Variants in CTNNA2 observed in about 807,000 individuals in gnomAD.
The protein encoded by CTNNA2 is catenin alpha-2.
A neutral mutation model predicts 101.0 loss-of-function variants in CTNNA2; 42 were observed. That is an observed-to-expected ratio of 0.42 (90% CI 0.32 to 0.54). The LOEUF (loss-of-function observed/expected upper bound fraction) is 0.54, where lower values mean the gene tolerates loss of function less well. Among genes scored for constraint, CTNNA2 ranks in the 20% least tolerant of loss-of-function variants. The pLI, the probability that CTNNA2 is intolerant of heterozygous loss-of-function variation, is 0.14. For missense variants in CTNNA2, 871 were observed against 1,223.1 expected (o/e 0.71, Z 4.29); for synonymous variants, 450 against 456.4 (o/e 0.99, Z 0.18).
intron 1 of CTNNA2, among the ~76,000 whole-genome samples, chr2:79,596,615 A>C (rs1209659443): frequency 1.3e-5 from 2 of 152,216 alleles, no homozygotes; most frequent in African/African-American, 4.8e-5. Flanking sequence ...GAGCATCTGC[A>C]AAAGAAAGGT....
At chr2:79,851,260 C>T (rs1045825709) in intron 3 of CTNNA2, among the ~76,000 whole-genome samples, 5 of 152,328 alleles carry the variant, frequency 3.3e-5, no homozygotes, top group African/African-American at 1.2e-4. Flanking sequence ...TATTTTCCCA[C>T]CTTGCTTTGA....
At chr2:79,493,242 A>G (rs563366751) in intron 4 of CTNNA2, among the ~76,000 whole-genome samples, 2 of 152,172 alleles carry the variant, frequency 1.3e-5, no homozygotes, top group African/African-American at 4.8e-5. Context: ...GGGAGGGGAG[A>G]GAAGGGAAGG....
At chr2:80,406,079 C>T (rs747751876) in intron 8 of CTNNA2, among the ~76,000 whole-genome samples, 9 of 152,160 alleles carry the variant, frequency 5.9e-5, no homozygotes, top group Non-Finnish European at 8.8e-5. Flanking sequence ...ACCTTTGGGC[C>T]ACGCGCGGTG....
intron 3 of CTNNA2, among the ~76,000 whole-genome samples, chr2:79,758,293 C>T (rs7569796): frequency 0.36 from 54,322 of 151,926 alleles, 10,495 homozygotes; most frequent in East Asian, 0.79. Flanking sequence ...TTGTTGAAGA[C>T]GAAGCTGATT....
chr2:79,826,895 GAGAA>G (rs1288166151), intron 3 of CTNNA2, among the ~76,000 whole-genome samples: 1 of 152,198 alleles, frequency 6.6e-6, no homozygotes, highest in Non-Finnish European at 1.5e-5. Context: ...GACTCAGGAA[GAGAA>G]AGAGAGTCAT....
intron 1 of CTNNA2, among the ~76,000 whole-genome samples, chr2:79,640,677 C>A (rs1680389958): frequency 6.6e-6 from 1 of 151,754 alleles, no homozygotes; most frequent in African/African-American, 2.4e-5. Flanking sequence ...GGAAATAGAC[C>A]CACAATTGAA....
intron 4 of CTNNA2, among the ~76,000 whole-genome samples, chr2:79,457,743 A>G (rs1670841210): frequency 6.6e-6 from 1 of 152,192 alleles, no homozygotes; most frequent in Non-Finnish European, 1.5e-5. Context: ...AGAATATTAT[A>G]TTGTTCATTG....
chr2:79,635,919 CGTT>C (rs983653965), intron 1 of CTNNA2, among the ~76,000 whole-genome samples: 1 of 151,640 alleles, frequency 6.6e-6, no homozygotes, highest in African/African-American at 2.4e-5. Flanking sequence ...CCTAGTAACT[CGTT>C]GTATATAGGA....
At chr2:79,534,193 G>A (rs536735617) in intron 1 of CTNNA2, among the ~76,000 whole-genome samples, 4 of 152,128 alleles carry the variant, frequency 2.6e-5, no homozygotes, top group Non-Finnish European at 4.4e-5. Context: ...AAAAGTCATA[G>A]TTCCCAATTG....
intron 3 of CTNNA2, among the ~76,000 whole-genome samples, chr2:79,831,420 C>T (rs1225588835): frequency 1.3e-5 from 2 of 151,990 alleles, no homozygotes; most frequent in Non-Finnish European, 2.9e-5. Context: ...TGATTCAGCC[C>T]CTTAACTATA....
At chr2:79,310,550 A>G (rs1676343873) in intron 2 of CTNNA2, among the ~76,000 whole-genome samples, 1 of 152,208 alleles carries the variant, frequency 6.6e-6, no homozygotes, top group Non-Finnish European at 1.5e-5. Context: ...TTGCCCATGC[A>G]CTTATTGGGT....
chr2:79,493,452 C>T lies in CTNNA2; in HGVS notation c.-134-11602C>T, dbSNP rs527538471. ...CCAATATGGTGAAACCCCATCTCTA[C>T]TAAAAATACAAAAATTAGCCAGGTG... On this transcript the variant is annotated intron_variant, in intron 4 of 21. Transcript: ENST00000466387. Among the ~76,000 whole-genome samples, 5 of 152,202 alleles carry T rather than the reference C, an allele frequency of 3.3e-5. No individual in the cohort carries two copies. In the South Asian group the frequency reaches 1.0e-3, roughly 32 times the overall value.
chr2:80,220,835 C>T (rs1039885365), intron 7 of CTNNA2, among the ~76,000 whole-genome samples: 1 of 152,134 alleles, frequency 6.6e-6, no homozygotes, highest in Non-Finnish European at 1.5e-5. Flanking sequence ...CCTTAAGGGT[C>T]TGTTAATAAC....
chr2:80,635,706 C>T (rs1672801320), intron 18 of CTNNA2, among the ~76,000 whole-genome samples: 1 of 152,030 alleles, frequency 6.6e-6, no homozygotes, highest in South Asian at 2.1e-4. Context: ...GTTAGAAGGC[C>T]CACACTGGAT....
At chr2:79,488,001 G>A (rs976904648) in intron 4 of CTNNA2, among the ~76,000 whole-genome samples, 1 of 152,012 alleles carries the variant, frequency 6.6e-6, no homozygotes, top group Non-Finnish European at 1.5e-5. Context: ...ATACTCTCTG[G>A]TCCTAGTTCT....
At chr2:80,332,116 A>T (rs1433983477) in intron 7 of CTNNA2, among the ~76,000 whole-genome samples, 4 of 152,144 alleles carry the variant, frequency 2.6e-5, no homozygotes, top group African/African-American at 9.7e-5. Context: ...AGCAGGAATG[A>T]CACTGTCCTT....
chr2:80,599,768 A>G (rs912357750), intron 15 of CTNNA2, among the ~76,000 whole-genome samples: 7 of 151,864 alleles, frequency 4.6e-5, no homozygotes. Flanking sequence ...AGTAGTTCAA[A>G]ATTTTTTTTA....
intron 9 of CTNNA2, among the ~76,000 whole-genome samples, chr2:80,481,264 C>G (rs1686119951): frequency 6.6e-6 from 1 of 152,048 alleles, no homozygotes; most frequent in Non-Finnish European, 1.5e-5. Flanking sequence ...TGTCTAATGG[C>G]AGAGGAGTCG....
At chr2:79,394,306 C>T (rs1319323396) in intron 4 of CTNNA2, among the ~76,000 whole-genome samples, 1 of 152,186 alleles carries the variant, frequency 6.6e-6, no homozygotes, top group Non-Finnish European at 1.5e-5. Flanking sequence ...CTCCTGGCAG[C>T]ACAGCTGCTT....
Sources: allele counts gnomAD v4.1 joint callset (sites outside exome capture counted in the v4.1 genomes callset), GRCh38; gene constraint gnomAD v4.1.1; transcripts MANE v1.5; gene names NCBI Gene and HGNC (gene_info 2026-07-23, HGNC 2026-07-21).